Variants in DNAH17 observed in about 807,000 individuals in gnomAD.
DNAH17 encodes axonemal beta dynein heavy chain 17.
DNAH17 carries 376 observed loss-of-function variants against 485.6 expected under a neutral mutation model. That is an observed-to-expected ratio of 0.77 (90% CI 0.71 to 0.84). DNAH17 has a LOEUF of 0.84. Ranked by LOEUF, DNAH17 falls within the 40% of genes least tolerant of loss-of-function variation. The pLI, the probability that DNAH17 is intolerant of heterozygous loss-of-function variation, is 0.00. For synonymous variants in DNAH17, 3,031 were observed against 2,405.9 expected (o/e 1.26, Z -7.60); for missense variants, 6,370 against 5,839.3 (o/e 1.09, Z -2.96).
intron 22 of DNAH17, 57 bp downstream of exon 22, chr17:78,529,415 C>T (rs958084917): frequency 1.3e-5 from 20 of 1,570,814 alleles, no homozygotes; most frequent in Middle Eastern, 1.7e-4. Context: ...TCCATGGTCG[C>T]GGCCGGGATG....
At chr17:78,486,766 G>T (rs571072818) in intron 44 of DNAH17, among the ~76,000 whole-genome samples, 64 of 152,336 alleles carry the variant, frequency 4.2e-4, no homozygotes, top group Admixed American at 4.0e-3. Flanking sequence ...TGTAGGTCTA[G>T]AACAGTTGGA....
At chr17:78,444,916 G>A in intron 70 of DNAH17, 119 bp from the exon 71 acceptor site, 2 of 1,040,568 alleles carry the variant, frequency 1.9e-6, no homozygotes, top group Non-Finnish European at 2.7e-6. Flanking sequence ...CGGGGCTCTG[G>A]GATAAGGAAG....
intron 71 of DNAH17, among the ~76,000 whole-genome samples, chr17:78,443,613 A>G (rs1047057640): frequency 6.6e-6 from 1 of 152,114 alleles, no homozygotes; most frequent in African/African-American, 2.4e-5. Flanking sequence ...GCAGTGGCAC[A>G]ATCTCGGCCC....
chr17:78,459,445 G>T (rs948186841), intron 60 of DNAH17, among the ~76,000 whole-genome samples: 1 of 152,194 alleles, frequency 6.6e-6, no homozygotes, highest in African/African-American at 2.4e-5. Flanking sequence ...GAAACTATAA[G>T]GTTAGAGGGA....
In DNAH17 at chr17:78,543,960, T is replaced by C. The variant is rs2091678508; in HGVS notation, c.2429A>G (p.Asn810Ser). ...SANPLFERKD[N>S]KKEALLDLDG... ...CAAGTCTAACAGGGCCTCTTTCTTA[T>C]TGTCCTTTCTTTCAAACAGCGGGTT... The change falls in exon 17 of 81, where the codon AAT becomes AGT. Residue 810 changes from asparagine to serine, a missense_variant. Transcript: ENST00000389840. 1.9e-6 allele frequency: 3 copies of C among 1,613,942 alleles called. No individual in the cohort carries two copies. Among genetic ancestry groups the C allele is most frequent in the East Asian group, 2.2e-5 (1 of 44,902 alleles).
chr17:78,551,500 A>C (rs762491208), intron 16 of DNAH17, 35 bp downstream of exon 16: 6 of 1,604,326 alleles, frequency 3.7e-6, no homozygotes, highest in Admixed American at 1.7e-5. Context: ...CCAGGCCCCC[A>C]CAAAGCCCCA....
chr17:78,525,194 A>G (rs1228056462), intron 24 of DNAH17, 33 bp from the exon 25 acceptor site: 2 of 1,602,920 alleles, frequency 1.2e-6, no homozygotes, highest in African/African-American at 2.7e-5. Flanking sequence ...CAGTAGGGCT[A>G]CCTACCCTCA....
At position 78,437,665 on chromosome 17, in the gene DNAH17, G is replaced by A. The variant is rs1598446720; in HGVS notation, c.12009C>T (p.His4003=). ...CCTGGGTGAACAGGTCCAGGGCCTT[G>A]TGCAAGTTGGCGTGCATGCCCGTGG... The part of the protein sequence containing the change: ...EPPTGMHANL[H]KALDLFTQDT... Residue 4003 remains histidine (H), a synonymous_variant, in exon 74 of 81, where the codon CAC becomes CAT. Coordinates refer to ENST00000389840, the MANE Select transcript of DNAH17 (RefSeq NM_173628.4). The A allele has an allele frequency of 3.7e-6, 6 of 1,610,892 alleles. No individual in the cohort carries two copies. Among genetic ancestry groups the A allele is most frequent in the Middle Eastern group, 1.7e-4 (1 of 5,998 alleles).
intron 26 of DNAH17, among the ~76,000 whole-genome samples, chr17:78,512,802 G>A (rs764372953): frequency 2.0e-5 from 3 of 152,038 alleles, no homozygotes; most frequent in South Asian, 4.1e-4. Context: ...TCAGCCAGGC[G>A]TGATGGCATG....
chr17:78,550,132 G>A (rs2091866217), intron 16 of DNAH17, among the ~76,000 whole-genome samples: 1 of 152,248 alleles, frequency 6.6e-6, no homozygotes. Context: ...GGCGTGGGGA[G>A]GAGGAGGAGC....
In DNAH17 at chr17:78,450,854, G is replaced by A. The variant is rs747436442; in HGVS notation, c.10735-8C>T. On this transcript the variant is annotated splice_region_variant and splice_polypyrimidine_tract_variant and intron_variant, in intron 66 of 80. Transcript: ENST00000389840. ...AGACTTGGTGAGGTTTGCCTGCAAGGGGAGGTGCAGGAGTCACTGCATTGC... is the reference window on the plus strand; with the variant it reads ...AGACTTGGTGAGGTTTGCCTGCAAGAGGAGGTGCAGGAGTCACTGCATTGC... 6.8e-6 allele frequency: 11 copies of A among 1,613,646 alleles called. No homozygotes were observed. In the African/African-American group the frequency reaches 1.3e-4, roughly 20 times the overall value.
intron 71 of DNAH17, among the ~76,000 whole-genome samples, chr17:78,443,545 C>A (rs991263814): frequency 1.3e-3 from 195 of 151,008 alleles, no homozygotes; most frequent in Non-Finnish European, 2.1e-3. Context: ...GAAGGGAATT[C>A]TTTTTATTTT....
intron 1 of DNAH17, among the ~76,000 whole-genome samples, chr17:78,575,710 G>A (rs1476038886): frequency 6.6e-6 from 1 of 152,048 alleles, no homozygotes; most frequent in Non-Finnish European, 1.5e-5. Flanking sequence ...AGATGCTCGG[G>A]GGTAGGGTTA....
chr17:78,450,137 G>T, intron 68 of DNAH17, 117 bp downstream of exon 68: 1 of 1,256,810 alleles, frequency 8.0e-7, no homozygotes, highest in Non-Finnish European at 1.1e-6. Flanking sequence ...GACCAGGTCT[G>T]CCCTCTGAGG....
At position 78,428,546 on chromosome 17, in the gene DNAH17, C is replaced by G; in HGVS notation, c.12567G>C (p.Thr4189=). 1.2e-6 allele frequency: 2 copies of G among 1,610,506 alleles called. No individual in the cohort carries two copies. The highest frequency in any genetic ancestry group is 2.2e-5 in the East Asian group (1 of 44,750). Residue 4189 remains threonine, a synonymous_variant, in exon 77 of 81, where the codon ACG becomes ACC. Coordinates refer to ENST00000389840, the MANE Select transcript of DNAH17 (RefSeq NM_173628.4). ...QPKETDSGAG[T]GVSREEKVKA... ...CTGCCTTCTCCTCGCGGGACACTCC[C>G]GTGCCTGCCCCCGAGTCCGTCTCTT...
chr17:78,442,066 G>C (rs1010427776), intron 71 of DNAH17, among the ~76,000 whole-genome samples: 3 of 142,356 alleles, frequency 2.1e-5, no homozygotes, highest in African/African-American at 8.0e-5. Context: ...CTGGGCAAGA[G>C]AGCGAGACTC....
chr17:78,542,751 G>A (rs1430254350), intron 17 of DNAH17, among the ~76,000 whole-genome samples: 1 of 152,198 alleles, frequency 6.6e-6, no homozygotes, highest in Non-Finnish European at 1.5e-5. Flanking sequence ...ATCCTAGGTA[G>A]CAAAGCAGGC....
intron 16 of DNAH17, among the ~76,000 whole-genome samples, chr17:78,545,552 G>A (rs1046924716): frequency 6.6e-6 from 1 of 152,098 alleles, no homozygotes; most frequent in Admixed American, 6.6e-5. Flanking sequence ...GTTGCTATAA[G>A]GGCACGAATC....
chr17:78,456,160 G>T (rs569112164), intron 62 of DNAH17, among the ~76,000 whole-genome samples: 11 of 152,086 alleles, frequency 7.2e-5, no homozygotes, highest in Non-Finnish European at 1.5e-4. Flanking sequence ...TTAGCCAGGC[G>T]TGGTGGCCCA....
Sources: gnomAD v4.1 joint callset for allele counts (sites outside exome capture counted in the v4.1 genomes callset) on GRCh38, gnomAD v4.1.1 for gene constraint, MANE v1.5 for transcripts, NCBI Gene and HGNC (gene_info 2026-07-23, HGNC 2026-07-21) for gene names.